The following KCNA2 variants were observed in gnomAD, a reference collection of about 807,000 sequenced individuals.
The protein encoded by KCNA2 is potassium voltage-gated channel subfamily A member 2, also known as potassium channel, voltage gated shaker related subfamily A, member 2.
A neutral mutation model predicts 33.4 loss-of-function variants in KCNA2; 11 were observed. That is an observed-to-expected ratio of 0.33 (90% CI 0.21 to 0.55). KCNA2 has a LOEUF of 0.55. KCNA2 is among the 20% of genes least tolerant of loss of function. The probability of loss-of-function intolerance (pLI) is 0.93; values close to 1 mark genes in which losing one functional copy is unlikely to be tolerated. For missense variants in KCNA2, 291 were observed against 621.6 expected, an observed-to-expected ratio of 0.47 and a Z score of 5.66; for synonymous variants, 222 against 231.3, an observed-to-expected ratio of 0.96 and a Z score of 0.37.
chr1:110,620,085 A>AGAGAGAGAGAGT, intron 1 of KCNA2, among the ~76,000 whole-genome samples: 1 of 140,958 alleles, frequency 7.1e-6, no homozygotes, highest in South Asian at 2.2e-4. Flanking sequence ...AGAGAGAGAG[A>AGAGAGAGAGAGT]GAGTGAGTGA....
chr1:110,623,640 C>T (rs1195674635), intron 1 of KCNA2, among the ~76,000 whole-genome samples: 1 of 152,206 alleles, frequency 6.6e-6, no homozygotes, highest in African/African-American at 2.4e-5. Flanking sequence ...AGCAATCCTC[C>T]CGCTTTGGAC....
intron 1 of KCNA2, among the ~76,000 whole-genome samples, chr1:110,624,783 G>GA (rs1293865699): frequency 6.6e-6 from 1 of 151,994 alleles, no homozygotes; most frequent in Admixed American, 6.5e-5. Context: ...CATTTATCAT[G>GA]AAAAATATAA....
chr1:110,597,915 G>A lies in KCNA2; in HGVS notation c.*5368C>T. On this transcript the variant is annotated 3_prime_UTR_variant, in exon 3 of 3. Transcript: ENST00000316361. ...GTAAACTAGGTTAGTTTGAGGAAGA[G>A]AACCTTCCTGCATGTAGGGGAGCCC... is the stretch of plus-strand genomic sequence containing the variant. 3.0e-6 allele frequency: 3 copies of A among 985,424 alleles called. No individual in the cohort carries two copies. Among genetic ancestry groups the A allele is most frequent in the Middle Eastern group, 5.2e-4 (1 of 1,914 alleles). 61.0% of individuals were successfully genotyped at this position (985,424 alleles called of 1,614,324 possible).
chr1:110,597,327 T>C lies in KCNA2; in HGVS notation c.*5956A>G. 1.0e-6 allele frequency: 1 copy of C among 985,088 alleles called. No homozygotes were observed. The highest frequency in any genetic ancestry group is 1.2e-6 in the Non-Finnish European group (1 of 829,686). 61.0% of individuals were successfully genotyped at this position (985,088 alleles called of 1,614,324 possible). A position where few individuals can be genotyped will look rare whatever the true frequency, so the allele number is the denominator to read the frequency against. On this transcript the variant is annotated 3_prime_UTR_variant, in exon 3 of 3. Coordinates refer to ENST00000316361, the MANE Select transcript of KCNA2 (RefSeq NM_004974.4). ...AATGGCTCAGGATGCTTTATTCTTA[T>C]CTATTGGGAAGTGCTTTCGTGTAGG...
At position 110,601,874 on chromosome 1, in the gene KCNA2, A is replaced by C; in HGVS notation, c.*1409T>G. ...TATGTATATATATACACCCTAGTGC[A>C]CATAGTCAAACACATGCATAAATTG... On this transcript the variant is annotated 3_prime_UTR_variant, in exon 3 of 3. Coordinates refer to ENST00000316361, the MANE Select transcript of KCNA2 (RefSeq NM_004974.4). 6.9e-7 allele frequency: 1 copy of C among 1,448,284 alleles called. No homozygotes were observed. The highest frequency in any genetic ancestry group is 9.0e-7 in the Non-Finnish European group (1 of 1,105,288). 89.7% of individuals were successfully genotyped at this position (1,448,284 alleles called of 1,614,324 possible). A position where few individuals can be genotyped will look rare whatever the true frequency, so the allele number is the denominator to read the frequency against.
rs1226236697 is a variant in KCNA2 at position 110,599,141 on chromosome 1, C to CT, written c.*4141dup. 1 of 985,306 alleles carries CT rather than the reference C, an allele frequency of 1.0e-6. No individual in the cohort carries two copies. Among genetic ancestry groups the CT allele is most frequent in the Non-Finnish European group, 1.2e-6 (1 of 829,948 alleles). 61.0% of individuals were successfully genotyped at this position (985,306 alleles called of 1,614,324 possible). On this transcript the variant is annotated 3_prime_UTR_variant, in exon 3 of 3. Transcript: ENST00000316361. ...GGGAGAGTGAGACACAACGGGATGG[C>CT]TGCAGGAGCAGAAATCAGGAGTGAG...
rs1320232446 is a variant in KCNA2, at chr1:110,594,304, T to TAC, written c.*8978_*8979insGT. On this transcript the variant is annotated 3_prime_UTR_variant, in exon 3 of 3. Coordinates refer to ENST00000316361, the MANE Select transcript of KCNA2 (RefSeq NM_004974.4). ...CTCTCTCTCTCTCTCTATATATATA[T>TAC]ATACATATATATATATATGTGTGTG... 2.1e-5 allele frequency: 19 copies of TAC among 911,832 alleles called. No individual in the cohort carries two copies. Among genetic ancestry groups the TAC allele is most frequent in the Admixed American group, 1.3e-4 (2 of 15,362 alleles). 56.5% of individuals were successfully genotyped at this position (911,832 alleles called of 1,614,324 possible).
In KCNA2 at chr1:110,619,390, T is replaced by G. The variant is rs1167547354; in HGVS notation, c.-496+12005A>C. Among the ~76,000 whole-genome samples the G allele has an allele frequency of 2.0e-5, 3 of 152,252 alleles. No homozygotes were observed. The East Asian group carries it at 5.8e-4, about 29-fold the overall frequency. On this transcript the variant is annotated intron_variant, in intron 1 of 4. Coordinates refer to the KCNA2 transcript ENST00000369770. The stretch of plus-strand genomic sequence containing the variant: ...GGAAGTTCTTACAAGGTCTCCTGTC[T>G]CGGCTATGAAATCTGCTCCCACTCC...
rs116234021 is a variant in KCNA2, at chr1:110,615,114, G to A, written c.-495-9392C>T. ...CAGAAAGGGGCTGAAATTGCAGTGA[G>A]GAGTTTCCTGAAGTTCAACCTGAGG... On this transcript the variant is annotated intron_variant, in intron 1 of 4. Transcript: ENST00000369770. Among the ~76,000 whole-genome samples the A allele has an allele frequency of 9.5e-3, 1,445 of 152,274 alleles. 21 individuals carry two copies. Among genetic ancestry groups the A allele is most frequent in the African/African-American group, 0.033 (1,387 of 41,554 alleles).
Position 110,595,003 on chromosome 1 carries a change from A to G in KCNA2, c.*8280T>C. The G allele has an allele frequency of 4.1e-6, 4 of 985,228 alleles. No homozygotes were observed. Among genetic ancestry groups the G allele is most frequent in the Non-Finnish European group, 4.8e-6 (4 of 829,896 alleles). The allele number at this position is 985,228 out of a possible 1,614,324, so 61.0% of individuals were successfully genotyped here. A position where few individuals can be genotyped will look rare whatever the true frequency, so the allele number is the denominator to read the frequency against. ...CTCTAGCAGCCCAGAGCATTTATTCACTCATACAAACAAGGCATTCGGTGT... is the reference window on the plus strand; with the variant it reads ...CTCTAGCAGCCCAGAGCATTTATTCGCTCATACAAACAAGGCATTCGGTGT... On this transcript the variant is annotated 3_prime_UTR_variant, in exon 3 of 3. Coordinates refer to ENST00000316361, the MANE Select transcript of KCNA2 (RefSeq NM_004974.4).
At chr1:110,617,576 G>C (rs1650107263) in intron 1 of KCNA2, among the ~76,000 whole-genome samples, 1 of 152,182 alleles carries the variant, frequency 6.6e-6, no homozygotes, top group South Asian at 2.1e-4. Context: ...TAAGGAGGAG[G>C]TTGCTTCCCC....
rs757960714 is a variant in KCNA2 at position 110,604,753 on chromosome 1, G to A, written c.30C>T (p.Asp10=). 2.3e-5 allele frequency: 37 copies of A among 1,613,600 alleles called. No homozygotes were observed. Among genetic ancestry groups the A allele is most frequent in the African/African-American group, 2.0e-4 (15 of 74,894 alleles). Residue 10 remains aspartate, a synonymous_variant, in exon 3 of 3, where the codon GAC becomes GAT. Transcript: ENST00000316361. This position sits in a 1 kb window ranked among gnomAD's most constrained non-coding sequence, Gnocchi z 7.6. MTVATGDPA[D]EAAALPGHPQ... ...GGTGCCCAGGGAGGGCAGCAGCCTC[G>A]TCTGCTGGGTCTCCGGTGGCCACTG...
chr1:110,599,452 CA>C lies in KCNA2; in HGVS notation c.*3830del, dbSNP rs987494292. ...GCAATTGGATGGGAGGCAGGGCATC[CA>C]GGGGAGCCCAACAAGAGGAAAAGGA... On this transcript the variant is annotated 3_prime_UTR_variant, in exon 3 of 3. Coordinates refer to ENST00000316361, the MANE Select transcript of KCNA2 (RefSeq NM_004974.4). 8.1e-5 allele frequency: 80 copies of C among 985,268 alleles called. 1 individual carries two copies. The highest frequency in any genetic ancestry group is 9.5e-5 in the Non-Finnish European group (79 of 829,960). 61.0% of individuals were successfully genotyped at this position (985,268 alleles called of 1,614,324 possible).
chr1:110,606,678 G>C (rs551871052), upstream of KCNA2: 1 of 152,288 alleles, frequency 6.6e-6, no homozygotes, highest in Non-Finnish European at 1.5e-5. Flanking sequence ...GCGTCCAGCC[G>C]AGGGACCGCC....
intron 1 of KCNA2, among the ~76,000 whole-genome samples, chr1:110,612,645 T>C (rs1375885126): frequency 6.6e-6 from 1 of 152,164 alleles, no homozygotes; most frequent in Non-Finnish European, 1.5e-5. Context: ...TGGTCTCTTC[T>C]CCCCACAGTT....
At position 110,604,721 on chromosome 1, in the gene KCNA2, T is replaced by A. The variant is rs1649522435; in HGVS notation, c.62A>T (p.Asp21Val). Residue 21 changes from aspartate (D) to valine (V), a missense_variant, in exon 3 of 3, where the codon GAC becomes GTC. Around this residue, in one of 5 missense-constraint regions of KCNA2, gnomAD observed 163 missense variants for 273.5 expected, o/e 0.60. Coordinates refer to ENST00000316361, the MANE Select transcript of KCNA2 (RefSeq NM_004974.4). This position sits in a 1 kb window ranked among gnomAD's most constrained non-coding sequence, Gnocchi z 7.6. ...GTGGTCTGCCTCTGGGTCATAGGTG[T>A]CCTGTGGGTGCCCAGGGAGGGCAGC... is the stretch of plus-strand genomic sequence containing the variant. ...EAAALPGHPQ[D>V]TYDPEADHEC... The A allele has an allele frequency of 1.2e-6, 2 of 1,614,082 alleles. No individual in the cohort carries two copies. The highest frequency in any genetic ancestry group is 1.7e-6 in the Non-Finnish European group (2 of 1,180,018).
rs1318757516 is a variant in KCNA2 at position 110,599,217 on chromosome 1, C to T, written c.*4066G>A. ...TCTTTACTTCCGATGTAGGTGAAGC[C>T]TTTGCTAAAATGCACTCAGCTCTCA... On this transcript the variant is annotated 3_prime_UTR_variant, in exon 3 of 3. Transcript: ENST00000316361. The T allele has an allele frequency of 2.0e-6, 2 of 985,298 alleles. No individual in the cohort carries two copies. Among genetic ancestry groups the T allele is most frequent in the African/African-American group, 1.7e-5 (1 of 57,222 alleles). The allele number at this position is 985,298 out of a possible 1,614,324, so 61.0% of individuals were successfully genotyped here. A position where few individuals can be genotyped will look rare whatever the true frequency, so the allele number is the denominator to read the frequency against.
chr1:110,626,797 TG>T (rs1413859178), intron 1 of KCNA2, among the ~76,000 whole-genome samples: 1 of 152,222 alleles, frequency 6.6e-6, no homozygotes. Flanking sequence ...AGACTGGTTC[TG>T]GTTCCGTGAC....
rs1351646163 is a variant in KCNA2 at position 110,594,872 on chromosome 1, C to T, written c.*8411G>A. ...GGCAGGTCAAAGTCCTTGCCCTACA[C>T]TTCATAGGCTAAAAAGGCAGTAATG... is the stretch of plus-strand genomic sequence containing the variant. On this transcript the variant is annotated 3_prime_UTR_variant, in exon 3 of 3. Coordinates refer to ENST00000316361, the MANE Select transcript of KCNA2 (RefSeq NM_004974.4). 22 of 985,302 alleles carry T rather than the reference C, an allele frequency of 2.2e-5. No individual in the cohort carries two copies. Among genetic ancestry groups the T allele is most frequent in the Non-Finnish European group, 2.7e-5 (22 of 829,946 alleles). The allele number at this position is 985,302 out of a possible 1,614,324, so 61.0% of individuals were successfully genotyped here.
Sources: allele counts gnomAD v4.1 joint callset (sites outside exome capture counted in the v4.1 genomes callset), GRCh38; gene constraint gnomAD v4.1.1; regional missense constraint gnomAD v4.1.1; non-coding constraint Gnocchi (gnomAD v3.1); transcripts MANE v1.5; gene names NCBI Gene and HGNC (gene_info 2026-07-23, HGNC 2026-07-21).